Variants in SMCR8 observed in about 807,000 individuals in gnomAD.
The protein encoded by SMCR8 is guanine nucleotide exchange protein SMCR8.
Under a neutral mutation model 56.6 loss-of-function variants are expected in SMCR8, and 30 were observed. The observed-to-expected ratio is 0.53, with a 90% CI of 0.40 to 0.72. The LOEUF (loss-of-function observed/expected upper bound fraction) is 0.72, where lower values mean the gene tolerates loss of function less well. SMCR8 is among the 30% of genes least tolerant of loss of function. The probability of loss-of-function intolerance (pLI) is 0.00; values close to 1 mark genes in which losing one functional copy is unlikely to be tolerated. For synonymous variants in SMCR8, 538 were observed against 456.0 expected (o/e 1.18, Z -2.29); for missense variants, 1,198 against 1,157.0 (o/e 1.04, Z -0.51).
Position 18,317,296 on chromosome 17 carries a change from C to T in SMCR8, c.1507C>T (p.Arg503Trp), listed in dbSNP as rs755849481. The T allele has an allele frequency of 2.9e-5, 47 of 1,613,924 alleles. No individual in the cohort carries two copies. Among genetic ancestry groups the T allele is most frequent in the South Asian group, 1.9e-4 (17 of 91,064 alleles). The change falls in exon 1 of 2, where the codon CGG (arginine) becomes TGG (tryptophan). Residue 503 changes from arginine to tryptophan, a missense_variant. Coordinates refer to ENST00000406438, the MANE Select transcript of SMCR8 (RefSeq NM_144775.3). ...LTVPLSPQVV[R>W]SKAVSHRTIS... is the part of the protein sequence containing the mutation. ...AGTACCATTGAGCCCCCAGGTGGTC[C>T]GGAGCAAAGCAGTCAGCCACAGGAC...
rs1410344038 is a variant in SMCR8 at position 18,324,342 on chromosome 17, A to G, written c.*1272A>G. ...ACACCCCCTGGTTCCGCCAGCACCT[A>G]TCCCACTGATAGTGATCCCCTGGCC... On this transcript the variant is annotated 3_prime_UTR_variant, in exon 2 of 2. Coordinates refer to ENST00000406438, the MANE Select transcript of SMCR8 (RefSeq NM_144775.3). The G allele has an allele frequency of 2.0e-5, 3 of 152,222 alleles. No homozygotes were observed. Among genetic ancestry groups the G allele is most frequent in the Non-Finnish European group, 4.4e-5 (3 of 68,068 alleles). 9.4% of individuals were successfully genotyped at this position (152,222 alleles called of 1,614,324 possible). A position where few individuals can be genotyped will look rare whatever the true frequency, so the allele number is the denominator to read the frequency against.
At chr17:18,320,767 G>A (rs948512771) in intron 1 of SMCR8, among the ~76,000 whole-genome samples, 1 of 152,164 alleles carries the variant, frequency 6.6e-6, no homozygotes, top group Non-Finnish European at 1.5e-5. Context: ...CTATGGTCAG[G>A]ATGCATGCAG....
Position 18,318,166 on chromosome 17 carries a change from G to A in SMCR8, c.2360+17G>A. ...CTTGCAGAGGTAACTGGTTCCAGGT[G>A]GTGGGGAAGGGCCTTGGCCAGATAG... On this transcript the variant is annotated intron_variant, in intron 1 of 1. Transcript: ENST00000406438. 1 of 1,604,028 alleles carries A rather than the reference G, an allele frequency of 6.2e-7. No individual in the cohort carries two copies. The highest frequency in any genetic ancestry group is 8.5e-7 in the Non-Finnish European group (1 of 1,172,924).
In SMCR8 at chr17:18,322,604, C is replaced by G. The variant is rs762507312; in HGVS notation, c.2361-13C>G. 1 of 1,609,646 alleles carries G rather than the reference C, an allele frequency of 6.2e-7. No individual in the cohort carries two copies. Among genetic ancestry groups the G allele is most frequent in the Non-Finnish European group, 8.5e-7 (1 of 1,177,134 alleles). On this transcript the variant is annotated splice_polypyrimidine_tract_variant and intron_variant, in intron 1 of 1. Transcript: ENST00000406438. ...CCTTGCCCTTCCTCCTGACCTTGGC[C>G]TGTCTGTTTCAGAGTGGCCTCCCCT...
In SMCR8 at chr17:18,327,010, G is replaced by A. The variant is rs1388320981; in HGVS notation, c.*3940G>A. 1.3e-5 allele frequency: 2 copies of A among 152,610 alleles called. No homozygotes were observed. The highest frequency in any genetic ancestry group is 2.9e-5 in the Non-Finnish European group (2 of 68,040). 9.5% of individuals were successfully genotyped at this position (152,610 alleles called of 1,614,324 possible). On this transcript the variant is annotated 3_prime_UTR_variant, in exon 2 of 2. Transcript: ENST00000406438. ...TTGGTTTGTGTTTTGAAGCAAACAA[G>A]TCAGCTTTCTGGCTTTGCCCCAAAA...
chr17:18,316,707 TATCAA>T lies in SMCR8; in HGVS notation c.920_924del (p.Ile307SerfsTer8), dbSNP rs761020721. ...GCAGACCAGCCTACACCCCAAAACTTATCAAAGCAAAGTCCACCAAGTGTTTTGAC... is the reference window on the plus strand; with the variant it reads ...GCAGACCAGCCTACACCCCAAAACTTAGCAAAGTCCACCAAGTGTTTTGAC... On this transcript the variant is annotated frameshift_variant, in exon 1 of 2. Transcript: ENST00000406438. LOFTEE classifies it high-confidence loss of function. The T allele has an allele frequency of 1.9e-6, 3 of 1,614,092 alleles. No individual in the cohort carries two copies. The highest frequency in any genetic ancestry group is 1.1e-5 in the South Asian group (1 of 91,078).
Position 18,317,538 on chromosome 17 carries a change from C to A in SMCR8, c.1749C>A (p.Ser583=), listed in dbSNP as rs769691015. ...AAAACACCCCATCACAAATAGACTC[C>A]TCCTGCTGTATTGGGAAGGAGAGCG... is the stretch of plus-strand genomic sequence containing the variant. The part of the protein sequence containing the change: ...SIENTPSQID[S]SCCIGKESDG... The change falls in exon 1 of 2, where the codon TCC becomes TCA. Residue 583 remains serine, a synonymous_variant. Coordinates refer to ENST00000406438, the MANE Select transcript of SMCR8 (RefSeq NM_144775.3). 1.9e-6 allele frequency: 3 copies of A among 1,614,138 alleles called. No individual in the cohort carries two copies. The Admixed American group carries it at 5.0e-5, about 27-fold the overall frequency.
chr17:18,320,620 G>A (rs1458289305), intron 1 of SMCR8, among the ~76,000 whole-genome samples: 2 of 152,160 alleles, frequency 1.3e-5, no homozygotes, highest in East Asian at 3.9e-4. Context: ...AGAAGGTCCC[G>A]GAACACAGGG....
Position 18,323,226 on chromosome 17 carries a change from A to G in SMCR8, c.*156A>G, listed in dbSNP as rs1982556993. The stretch of plus-strand genomic sequence containing the variant: ...GCTCCTAGTAGTTTTTAAGTTGGAC[A>G]TGGGCAGAAGTGGAGCCTGGCTCCC... On this transcript the variant is annotated 3_prime_UTR_variant, in exon 2 of 2. Transcript: ENST00000406438. 3.0e-6 allele frequency: 2 copies of G among 663,472 alleles called. No individual in the cohort carries two copies. The highest frequency in any genetic ancestry group is 5.1e-6 in the Non-Finnish European group (2 of 392,786). The allele number at this position is 663,472 out of a possible 1,614,324, so 41.1% of individuals were successfully genotyped here. A position where few individuals can be genotyped will look rare whatever the true frequency, so the allele number is the denominator to read the frequency against.
In SMCR8 at chr17:18,317,793, G is replaced by A; in HGVS notation, c.2004G>A (p.Leu668=). 2 of 1,614,116 alleles carry A rather than the reference G, an allele frequency of 1.2e-6. No homozygotes were observed. The highest frequency in any genetic ancestry group is 1.7e-6 in the Non-Finnish European group (2 of 1,180,014). Residue 668 remains leucine, a synonymous_variant, in exon 1 of 2, where the codon CTG becomes CTA. Coordinates refer to ENST00000406438, the MANE Select transcript of SMCR8 (RefSeq NM_144775.3). ...LASRDISKTS[L]DNYSDTTSYV... is the part of the protein sequence containing the mutation. Reference sequence around the variant, plus strand: ...GCCGGGACATCAGTAAGACCAGCCTGGACAACTACTCAGACACCACCAGCT... The same window carrying A: ...GCCGGGACATCAGTAAGACCAGCCTAGACAACTACTCAGACACCACCAGCT...
In SMCR8 at chr17:18,315,788, A is replaced by C; in HGVS notation, c.-2A>C. On this transcript the variant is annotated 5_prime_UTR_variant, in exon 1 of 2. Transcript: ENST00000406438. ...CAATGTTTTCTTCATATATCTGGAA[A>C]TATGATCAGCGCCCCTGACGTAGTG... 1 of 1,574,996 alleles carries C rather than the reference A, an allele frequency of 6.3e-7. No homozygotes were observed. The highest frequency in any genetic ancestry group is 1.1e-5 in the South Asian group (1 of 87,488).
rs1043220404 is a variant in SMCR8 at position 18,326,272 on chromosome 17, C to T, written c.*3202C>T. On this transcript the variant is annotated 3_prime_UTR_variant, in exon 2 of 2. Coordinates refer to ENST00000406438, the MANE Select transcript of SMCR8 (RefSeq NM_144775.3). ...GCTTTTTCTCCAGTCCATTATCCCCCTCCCTTGCTTCTGAAGCAGTCTAGG... is the reference window on the plus strand; with the variant it reads ...GCTTTTTCTCCAGTCCATTATCCCCTTCCCTTGCTTCTGAAGCAGTCTAGG... 2 of 152,164 alleles carry T rather than the reference C, an allele frequency of 1.3e-5. No homozygotes were observed. The highest frequency in any genetic ancestry group is 2.4e-5 in the African/African-American group (1 of 41,424). 9.4% of individuals were successfully genotyped at this position (152,164 alleles called of 1,614,324 possible).
In SMCR8 at chr17:18,323,132, GC is replaced by G. The variant is rs1304353610; in HGVS notation, c.*63del. ...CAGGGTATGGGGAGGGGAGGGGTTGGCATGACCAAACAGTTGCCTGAGCTGG... is the reference window on the plus strand; with the variant it reads ...CAGGGTATGGGGAGGGGAGGGGTTGGATGACCAAACAGTTGCCTGAGCTGG... On this transcript the variant is annotated 3_prime_UTR_variant, in exon 2 of 2. Coordinates refer to ENST00000406438, the MANE Select transcript of SMCR8 (RefSeq NM_144775.3). 1 of 1,446,000 alleles carries G rather than the reference GC, an allele frequency of 6.9e-7. No individual in the cohort carries two copies. Among genetic ancestry groups the G allele is most frequent in the African/African-American group, 1.4e-5 (1 of 70,974 alleles). 89.6% of individuals were successfully genotyped at this position (1,446,000 alleles called of 1,614,324 possible).
In SMCR8 at chr17:18,318,052, C is replaced by T; in HGVS notation, c.2263C>T (p.Pro755Ser). Residue 755 changes from proline to serine, a missense_variant, in exon 1 of 2, where the codon CCC (proline) becomes TCC (serine). Physicochemically the swap from Pro to Ser is moderately conservative, Grantham distance 74 (BLOSUM62 -1). Coordinates refer to ENST00000406438, the MANE Select transcript of SMCR8 (RefSeq NM_144775.3). Reference sequence around the variant, plus strand: ...CGTGACTGCACTGGCTATCTTTGTCCCCAGCTATGGCTGCTACGCTAAGCC... The same window carrying T: ...CGTGACTGCACTGGCTATCTTTGTCTCCAGCTATGGCTGCTACGCTAAGCC... ...KLVTALAIFV[P>S]SYGCYAKPVK... is the part of the protein sequence containing the mutation. 1 of 1,614,218 alleles carries T rather than the reference C, an allele frequency of 6.2e-7. No individual in the cohort carries two copies. Among genetic ancestry groups the T allele is most frequent in the Non-Finnish European group, 8.5e-7 (1 of 1,180,054 alleles).
chr17:18,322,883 CAG>C lies in SMCR8; in HGVS notation c.2630_2631del (p.Glu877GlyfsTer20). ...CACCTGCCTACCCACGACAAGGAGACAGAGGAGCTGGTAGCCAGCCGCCAGAT... is the reference window on the plus strand; with the variant it reads ...CACCTGCCTACCCACGACAAGGAGACAGGAGCTGGTAGCCAGCCGCCAGAT... On this transcript the variant is annotated frameshift_variant, in exon 2 of 2. Coordinates refer to ENST00000406438, the MANE Select transcript of SMCR8 (RefSeq NM_144775.3). LOFTEE classifies it high-confidence loss of function. 1.2e-6 allele frequency: 2 copies of C among 1,614,144 alleles called. No individual in the cohort carries two copies. Among genetic ancestry groups the C allele is most frequent in the Non-Finnish European group, 1.7e-6 (2 of 1,179,984 alleles).
In SMCR8 at chr17:18,322,791, G is replaced by T. The variant is rs770509318; in HGVS notation, c.2535G>T (p.Leu845=). ...TCAAGCGGGGCAGCACCTACTACCT[G>T]CATGTCCAGAGCATGCTCACCCAGC... is the stretch of plus-strand genomic sequence containing the variant. ...TQIKRGSTYY[L]HVQSMLTQLC... The change falls in exon 2 of 2, where the codon CTG becomes CTT. Residue 845 remains leucine, a synonymous_variant. Coordinates refer to ENST00000406438, the MANE Select transcript of SMCR8 (RefSeq NM_144775.3). 15 of 1,613,990 alleles carry T rather than the reference G, an allele frequency of 9.3e-6. No individual in the cohort carries two copies. The highest frequency in any genetic ancestry group is 1.7e-6 in the Non-Finnish European group (2 of 1,179,980).
chr17:18,315,983 A>C lies in SMCR8; in HGVS notation c.194A>C (p.Glu65Ala). Reference sequence around the variant, plus strand: ...TTCATTCTTATTTCCGAGTTCTCTGAGCAGGTGGGACCCCAACCCTTACTG... The same window carrying C: ...TTCATTCTTATTTCCGAGTTCTCTGCGCAGGTGGGACCCCAACCCTTACTG... ...RDFILISEFS[E>A]QVGPQPLLTI... Residue 65 changes from glutamate to alanine, a missense_variant, in exon 1 of 2, where the codon GAG becomes GCG. Transcript: ENST00000406438. 6.2e-7 allele frequency: 1 copy of C among 1,614,128 alleles called. No homozygotes were observed. The highest frequency in any genetic ancestry group is 8.5e-7 in the Non-Finnish European group (1 of 1,180,018).
At position 18,316,011 on chromosome 17, in the gene SMCR8, C is replaced by T; in HGVS notation, c.222C>T (p.Thr74=). Residue 74 remains threonine (T), a synonymous_variant, in exon 1 of 2, where the codon ACC becomes ACT. Coordinates refer to ENST00000406438, the MANE Select transcript of SMCR8 (RefSeq NM_144775.3). ...AGGTGGGACCCCAACCCTTACTGAC[C>T]ATCCCCAATGACACCAAAGTTTTTG... The part of the protein sequence containing the change: ...SEQVGPQPLL[T]IPNDTKVFGT... 6.2e-7 allele frequency: 1 copy of T among 1,614,104 alleles called. No homozygotes were observed. Among genetic ancestry groups the T allele is most frequent in the Non-Finnish European group, 8.5e-7 (1 of 1,180,012 alleles).
intron 1 of SMCR8, among the ~76,000 whole-genome samples, chr17:18,322,079 T>G (rs1258851620): frequency 6.6e-6 from 1 of 152,214 alleles, no homozygotes; most frequent in African/African-American, 2.4e-5. Context: ...TGGCACGATT[T>G]TGGCTCACTG....
Sources: gnomAD v4.1 joint callset for allele counts (sites outside exome capture counted in the v4.1 genomes callset) on GRCh38, gnomAD v4.1.1 for gene constraint, MANE v1.5 for transcripts, NCBI Gene and HGNC (gene_info 2026-07-23, HGNC 2026-07-21) for gene names.